Variants in USP12 observed in about 807,000 individuals in gnomAD.
The protein encoded by USP12 is ubiquitin specific peptidase 12.
USP12 carries 19 observed loss-of-function variants against 45.5 expected under a neutral mutation model. The observed-to-expected ratio is 0.42, with a 90% CI of 0.29 to 0.61. The LOEUF (loss-of-function observed/expected upper bound fraction) is 0.61, where lower values mean the gene tolerates loss of function less well. USP12 is among the 20% of genes least tolerant of loss of function. The pLI is 0.22. For missense variants in USP12, 242 were observed against 447.7 expected (o/e 0.54, Z 4.15); for synonymous variants, 149 against 148.8 (o/e 1.00, Z -0.01).
At chr13:27,123,197 C>T (rs1876079541) in intron 1 of USP12, among the ~76,000 whole-genome samples, 1 of 152,068 alleles carries the variant, frequency 6.6e-6, no homozygotes, top group African/African-American at 2.4e-5. Context: ...ATTGAACTAG[C>T]AAAGCTACAG....
chr13:27,162,339 CTT>C lies in USP12; in HGVS notation c.48+9251_48+9252del, dbSNP rs915505827. ...GTCAGGAATAAAAATTCCCCAATCTCTTGTTTGAAAAGGAGTAATTTTGTCTC... is the reference window on the plus strand; with the variant it reads ...GTCAGGAATAAAAATTCCCCAATCTCGTTTGAAAAGGAGTAATTTTGTCTC... On this transcript the variant is annotated intron_variant, in intron 1 of 8. Transcript: ENST00000282344. 4.7e-4 allele frequency among the ~76,000 whole-genome samples: 71 copies of C among 152,288 alleles called. 1 individual carries two copies. The highest frequency in any genetic ancestry group is 1.5e-3 in the African/African-American group (62 of 41,562).
At chr13:27,079,257 G>A (rs1873639854) in intron 6 of USP12, among the ~76,000 whole-genome samples, 1 of 151,796 alleles carries the variant, frequency 6.6e-6, no homozygotes, top group South Asian at 2.1e-4. Flanking sequence ...AACCAGGTAA[G>A]GATTCAATCT....
intron 6 of USP12, among the ~76,000 whole-genome samples, chr13:27,086,189 A>ATATATATAT (rs1378446137): frequency 6.7e-3 from 548 of 81,436 alleles, no homozygotes; most frequent in Non-Finnish European, 0.01. Flanking sequence ...AAAAAAAAAA[A>ATATATATAT]AAAAAAAAAT....
intron 7 of USP12, among the ~76,000 whole-genome samples, chr13:27,071,923 A>G (rs1385877007): frequency 6.6e-6 from 1 of 152,120 alleles, no homozygotes; most frequent in East Asian, 1.9e-4. Context: ...TTGTAATTCT[A>G]TAATTAATAC....
At chr13:27,152,873 C>T (rs539820854) in intron 1 of USP12, among the ~76,000 whole-genome samples, 2 of 143,274 alleles carry the variant, frequency 1.4e-5, no homozygotes, top group East Asian at 4.2e-4. Flanking sequence ...ACCTGGGAGG[C>T]GGAGCTTGCA....
At chr13:27,103,054 G>A (rs1326219398) in intron 3 of USP12, among the ~76,000 whole-genome samples, 1 of 152,180 alleles carries the variant, frequency 6.6e-6, no homozygotes, top group Non-Finnish European at 1.5e-5. Flanking sequence ...ATTAAAATCA[G>A]TTCTTTCCAG....
rs149975082 is a variant in USP12 at position 27,153,611 on chromosome 13, C to G, written c.48+17981G>C. On this transcript the variant is annotated intron_variant, in intron 1 of 8. Transcript: ENST00000282344. ...AGTACTTGAGAATGAAATGTTCAAC[C>G]TTTCCCCTTCCACAAGTCACCCTCA... 2.0e-4 allele frequency among the ~76,000 whole-genome samples: 31 copies of G among 152,212 alleles called. No homozygotes were observed. In the East Asian group the frequency reaches 5.2e-3, roughly 26 times the overall value.
At chr13:27,137,410 T>A (rs948378208) in intron 1 of USP12, among the ~76,000 whole-genome samples, 6 of 152,108 alleles carry the variant, frequency 3.9e-5, no homozygotes, top group African/African-American at 1.4e-4. Flanking sequence ...ACAAAAAAAA[T>A]CAATTGTCAA....
chr13:27,124,298 C>G (rs756060507), intron 1 of USP12, among the ~76,000 whole-genome samples: 9 of 152,072 alleles, frequency 5.9e-5, no homozygotes, highest in Non-Finnish European at 1.2e-4. Flanking sequence ...CATCTAAAAC[C>G]AGATTATGGC....
chr13:27,117,817 T>C, intron 1 of USP12: 1 of 518,064 alleles, frequency 1.9e-6, no homozygotes, highest in Non-Finnish European at 3.9e-6. Context: ...TCAACTCAAT[T>C]CTGTGCACCT....
chr13:27,156,407 G>A (rs1354721680), intron 1 of USP12, among the ~76,000 whole-genome samples: 1 of 152,072 alleles, frequency 6.6e-6, no homozygotes, highest in Non-Finnish European at 1.5e-5. Flanking sequence ...AAAGAAACAG[G>A]GATCCACATT....
At chr13:27,090,855 CAT>C (rs1361732838) in intron 4 of USP12, among the ~76,000 whole-genome samples, 2 of 152,288 alleles carry the variant, frequency 1.3e-5, no homozygotes, top group East Asian at 1.9e-4. Context: ...ATTATTAGCA[CAT>C]AGAGTTGTTC....
intron 1 of USP12, among the ~76,000 whole-genome samples, chr13:27,155,266 A>G (rs559322489): frequency 3.3e-5 from 5 of 151,656 alleles, no homozygotes; most frequent in Admixed American, 2.6e-4. Context: ...TATTTTTAGT[A>G]GAGACAGGGT....
intron 1 of USP12, among the ~76,000 whole-genome samples, chr13:27,135,926 T>C (rs1429432165): frequency 1.3e-5 from 2 of 152,162 alleles, no homozygotes; most frequent in Non-Finnish European, 2.9e-5. Flanking sequence ...AACTTTGTTT[T>C]AACAGGGCTC....
rs565210819 is a variant in USP12 at position 27,159,210 on chromosome 13, G to A, written c.48+12382C>T. Among the ~76,000 whole-genome samples the A allele has an allele frequency of 2.1e-3, 318 of 152,172 alleles. 2 individuals carry two copies. Among genetic ancestry groups the A allele is most frequent in the African/African-American group, 7.3e-3 (304 of 41,512 alleles). ...TCAGATATCACATTTTTCTTTAAGA[G>A]TATATACAGTTAAACCTGAATAATT... On this transcript the variant is annotated intron_variant, in intron 1 of 8. Transcript: ENST00000282344.
At chr13:27,115,304 A>G (rs1331133941) in intron 2 of USP12, among the ~76,000 whole-genome samples, 1 of 152,158 alleles carries the variant, frequency 6.6e-6, no homozygotes, top group African/African-American at 2.4e-5. Flanking sequence ...TGAGAGGAGT[A>G]ATGAGTAGCC....
chr13:27,120,123 G>T (rs564417033), intron 1 of USP12, among the ~76,000 whole-genome samples: 5 of 152,262 alleles, frequency 3.3e-5, no homozygotes, highest in African/African-American at 1.2e-4. Flanking sequence ...CTGTATGATT[G>T]TTACCATCTT....
intron 2 of USP12, 117 bp downstream of exon 2, chr13:27,116,399 G>C (rs1021449659): frequency 2.5e-6 from 2 of 805,864 alleles, no homozygotes; most frequent in Admixed American, 6.9e-5. Context: ...AAGTCTCTTA[G>C]CATTTAATTC....
intron 3 of USP12, 133 bp downstream of exon 3, chr13:27,105,598 G>A (rs1463272739): frequency 2.5e-6 from 2 of 791,488 alleles, no homozygotes; most frequent in Non-Finnish European, 4.0e-6. Context: ...TTGAAGAAAG[G>A]CGTGTCATCC....
Sources: allele counts gnomAD v4.1 joint callset (sites outside exome capture counted in the v4.1 genomes callset), GRCh38; gene constraint gnomAD v4.1.1; transcripts MANE v1.5; gene names NCBI Gene and HGNC (gene_info 2026-07-23, HGNC 2026-07-21).